The following CSMD1 variants were observed in gnomAD, a reference collection of about 807,000 sequenced individuals.
CSMD1 encodes CUB and Sushi multiple domains 1.
Under a neutral mutation model 417.5 loss-of-function variants are expected in CSMD1, and 213 were observed. The ratio of observed to expected loss-of-function variants is 0.51; its 90% confidence interval spans 0.46 to 0.57. The LOEUF (loss-of-function observed/expected upper bound fraction) is 0.57, where lower values mean the gene tolerates loss of function less well. Among genes scored for constraint, CSMD1 ranks in the 20% least tolerant of loss-of-function variants. CSMD1 has a pLI of 0.00. For synonymous variants in CSMD1, 2,862 were observed against 1,736.8 expected (o/e 1.65, Z -16.11); for missense variants, 6,923 against 4,529.7 (o/e 1.53, Z -15.17).
intron 5 of CSMD1, among the ~76,000 whole-genome samples, chr8:3,871,004 T>C (rs1805448021): frequency 6.6e-6 from 1 of 152,094 alleles, no homozygotes; most frequent in African/African-American, 2.4e-5. Context: ...CAATGTGTTA[T>C]AATTTTTTTA....
chr8:4,492,119 C>T (rs762417049), intron 2 of CSMD1, among the ~76,000 whole-genome samples: 1 of 151,980 alleles, frequency 6.6e-6, no homozygotes, highest in East Asian at 1.9e-4. Flanking sequence ...TTTTTAGATA[C>T]AGGGTCTTAC....
intron 3 of CSMD1, among the ~76,000 whole-genome samples, chr8:4,278,593 T>C (rs1796611452): frequency 2.0e-5 from 3 of 152,234 alleles, no homozygotes; most frequent in African/African-American, 4.8e-5. Context: ...TTTTAGAAAA[T>C]GATTAAATAA....
intron 4 of CSMD1, among the ~76,000 whole-genome samples, chr8:4,001,215 G>C (rs1210183395): frequency 6.6e-6 from 1 of 152,124 alleles, no homozygotes; most frequent in Non-Finnish European, 1.5e-5. Context: ...AAGCTTAACC[G>C]ATTCTTCTGG....
chr8:2,994,472 T>C (rs1806698572), intron 54 of CSMD1, among the ~76,000 whole-genome samples: 1 of 152,118 alleles, frequency 6.6e-6, no homozygotes, highest in African/African-American at 2.4e-5. Context: ...AGTGGAAAGT[T>C]CCCAAAATGA....
chr8:4,882,047 G>C (rs1339194635), intron 1 of CSMD1, among the ~76,000 whole-genome samples: 3 of 152,028 alleles, frequency 2.0e-5, no homozygotes, highest in Non-Finnish European at 1.5e-5. Flanking sequence ...TAATCTCACT[G>C]AATTTCTGTT....
intron 1 of CSMD1, among the ~76,000 whole-genome samples, chr8:4,915,714 A>C (rs1585320534): frequency 1.3e-5 from 2 of 152,160 alleles, no homozygotes; most frequent in South Asian, 4.1e-4. Context: ...CGCCCTAAAC[A>C]TTATGTCCGG....
intron 52 of CSMD1, among the ~76,000 whole-genome samples, chr8:3,012,860 C>A (rs1001240232): frequency 2.6e-5 from 4 of 152,174 alleles, no homozygotes; most frequent in Non-Finnish European, 5.9e-5. Flanking sequence ...ATAATCCCCA[C>A]CTGTCAAGGA....
At chr8:3,682,616 T>C (rs969540998) in intron 7 of CSMD1, among the ~76,000 whole-genome samples, 1 of 152,190 alleles carries the variant, frequency 6.6e-6, no homozygotes, top group Non-Finnish European at 1.5e-5. Flanking sequence ...AGTTCAACCA[T>C]TGTGGAAGAC....
intron 1 of CSMD1, among the ~76,000 whole-genome samples, chr8:4,876,824 G>A (rs1446913743): frequency 6.6e-6 from 1 of 151,982 alleles, no homozygotes; most frequent in Non-Finnish European, 1.5e-5. Flanking sequence ...ATTAGTTCAA[G>A]TAATAGAAGT....
Position 3,718,705 on chromosome 8 carries a change from G to C in CSMD1, c.932-10214C>G, listed in dbSNP as rs1177296792. Among the ~76,000 whole-genome samples, 4 of 152,262 alleles carry C rather than the reference G, an allele frequency of 2.6e-5. No homozygotes were observed. The East Asian group carries it at 5.8e-4, about 22-fold the overall frequency. On this transcript the variant is annotated intron_variant, in intron 6 of 69. Transcript: ENST00000635120. ...TGACTGAACTCTTTACTAATGTAAA[G>C]GGTAATTAGCATAAGATGCTTTACT...
At chr8:4,685,765 G>A (rs1170225923) in intron 1 of CSMD1, among the ~76,000 whole-genome samples, 2 of 152,094 alleles carry the variant, frequency 1.3e-5, no homozygotes, top group Non-Finnish European at 2.9e-5. Context: ...CTGTTGGTGA[G>A]AAAAAAATAT....
intron 5 of CSMD1, among the ~76,000 whole-genome samples, chr8:3,761,320 A>T (rs760587777): frequency 6.6e-6 from 1 of 152,166 alleles, no homozygotes; most frequent in African/African-American, 2.4e-5. Context: ...GCACATACAC[A>T]TATTTACATA....
At chr8:4,954,485 C>T (rs999359114) in intron 1 of CSMD1, among the ~76,000 whole-genome samples, 23 of 152,044 alleles carry the variant, frequency 1.5e-4, no homozygotes, top group Admixed American at 1.0e-3. Context: ...AAATTGATCA[C>T]GTGGCACAAC....
At chr8:3,377,093 T>C (rs1810354059) in intron 18 of CSMD1, among the ~76,000 whole-genome samples, 1 of 152,146 alleles carries the variant, frequency 6.6e-6, no homozygotes, top group South Asian at 2.1e-4. Flanking sequence ...TCTGCAGCCT[T>C]GACCACCTGG....
At chr8:4,826,488 G>C (rs192754592) in intron 1 of CSMD1, among the ~76,000 whole-genome samples, 8 of 152,224 alleles carry the variant, frequency 5.3e-5, no homozygotes, top group Admixed American at 1.3e-4. Context: ...GCTTTATGTT[G>C]TTTTTATTTA....
chr8:4,305,940 T>A (rs11136722), intron 3 of CSMD1, among the ~76,000 whole-genome samples: 115,245 of 151,922 alleles, frequency 0.76, 43,797 homozygotes, highest in East Asian at 0.85. Context: ...TTTAATAAAC[T>A]GTATTGCAGG....
At chr8:3,562,131 C>G (rs528260846) in intron 10 of CSMD1, among the ~76,000 whole-genome samples, 4 of 112,624 alleles carry the variant, frequency 3.6e-5, no homozygotes, top group African/African-American at 1.8e-4. Flanking sequence ...AAAATCCAAC[C>G]CACAAAAAAA....
chr8:4,536,447 G>C (rs17344058), intron 2 of CSMD1, among the ~76,000 whole-genome samples: 2 of 152,004 alleles, frequency 1.3e-5, no homozygotes, highest in African/African-American at 4.8e-5. Flanking sequence ...TTGTATACGT[G>C]AAGTTTCAGC....
chr8:4,174,119 A>AG (rs1429878291), intron 3 of CSMD1, among the ~76,000 whole-genome samples: 1 of 152,152 alleles, frequency 6.6e-6, no homozygotes, highest in African/African-American at 2.4e-5. Context: ...GGGTAGGGCA[A>AG]GCCTGGAAAG....
Sources: allele counts gnomAD v4.1 joint callset (sites outside exome capture counted in the v4.1 genomes callset), GRCh38; gene constraint gnomAD v4.1.1; transcripts MANE v1.5; gene names NCBI Gene and HGNC (gene_info 2026-07-23, HGNC 2026-07-21).